Variants in HS6ST2 observed in about 807,000 individuals in gnomAD.
HS6ST2 encodes heparan-sulfate 6-O-sulfotransferase 2.
A neutral mutation model predicts 33.0 loss-of-function variants in HS6ST2; 17 were observed. The ratio of observed to expected loss-of-function variants is 0.52; its 90% CI spans 0.35 to 0.77. The LOEUF is 0.77. Among genes scored for constraint, HS6ST2 ranks in the 30% least tolerant of loss-of-function variants. The pLI, the probability that HS6ST2 is intolerant of heterozygous loss-of-function variation, is 0.01. For synonymous variants in HS6ST2, 248 were observed against 237.1 expected (o/e 1.05, Z -0.42); for missense variants, 519 against 551.7 (o/e 0.94, Z 0.59).
In HS6ST2 at chrX:132,870,124, T is replaced by G. The variant is rs188029322; in HGVS notation, c.947+86684A>C. Among the ~76,000 whole-genome samples the G allele has an allele frequency of 4.5e-5, 5 of 109,948 alleles. No individual in the cohort carries two copies. In the East Asian group the frequency reaches 1.1e-3, roughly 25 times the overall value. On this transcript the variant is annotated intron_variant, in intron 2 of 4. Transcript: ENST00000370833. The stretch of plus-strand genomic sequence containing the variant: ...CACAAGCATTCCTATACACCAATAA[T>G]AGACAAGCAGAGAGCCAAATCATGA...
intron 2 of HS6ST2, among the ~76,000 whole-genome samples, chrX:132,769,764 A>G (rs1383029202): frequency 8.9e-6 from 1 of 112,111 alleles, no homozygotes; most frequent in Admixed American, 9.4e-5. Context: ...GGAAGTGACC[A>G]ACAGTTGTGT....
intron 2 of HS6ST2, among the ~76,000 whole-genome samples, chrX:132,787,167 G>GTATATATATA (rs751338482): frequency 1.9e-5 from 1 of 51,391 alleles, no homozygotes; most frequent in Non-Finnish European, 3.3e-5. Flanking sequence ...ATATATATAT[G>GTATATATATA]TATATATATA....
rs1172890121 is a variant in HS6ST2, at chrX:132,865,149, C to A, written c.947+91659G>T. On this transcript the variant is annotated intron_variant, in intron 2 of 4. Coordinates refer to ENST00000370833, the MANE Select transcript of HS6ST2 (RefSeq NM_001394073.1). ...CCCCTCCCCCCACCCCACAACAGTC[C>A]CCAGAGTGTGATGTTCCCCTTCCTG... Among the ~76,000 whole-genome samples, 6 of 86,629 alleles carry A rather than the reference C, an allele frequency of 6.9e-5. No individual in the cohort carries two copies. The Admixed American group carries it at 7.1e-4, about 10-fold the overall frequency. The allele number at this position is 86,629 out of a possible 115,157, so 75.2% of individuals were successfully genotyped here.
chrX:132,818,524 G>T (rs1356465727), intron 2 of HS6ST2, among the ~76,000 whole-genome samples: 1 of 111,164 alleles, frequency 9.0e-6, no homozygotes, highest in Non-Finnish European at 1.9e-5. Context: ...GAACTATTCT[G>T]CACTAGGATT....
At chrX:132,739,676 C>G (rs1045625294) in intron 2 of HS6ST2, among the ~76,000 whole-genome samples, 3 of 104,068 alleles carry the variant, frequency 2.9e-5, no homozygotes, top group African/African-American at 1.1e-4. Flanking sequence ...GATCACATCA[C>G]TGCACTCCAG....
intron 3 of HS6ST2, among the ~76,000 whole-genome samples, chrX:132,687,327 A>C (rs1281774329): frequency 9.0e-6 from 1 of 111,223 alleles, no homozygotes. Context: ...AGGATAATAA[A>C]AAAGGAGAGC....
chrX:132,666,761 C>G (rs2063813306), intron 4 of HS6ST2, among the ~76,000 whole-genome samples: 1 of 111,794 alleles, frequency 8.9e-6, no homozygotes, highest in Non-Finnish European at 1.9e-5. Context: ...AACCCTCCTT[C>G]TATCTCCCAG....
intron 2 of HS6ST2, among the ~76,000 whole-genome samples, chrX:132,889,722 CA>C (rs747422632): frequency 1.8e-5 from 2 of 111,221 alleles, no homozygotes; most frequent in African/African-American, 3.3e-5. Flanking sequence ...AAGTAAGTAG[CA>C]ACTAGCTCTG....
intron 3 of HS6ST2, among the ~76,000 whole-genome samples, chrX:132,708,214 C>T (rs1036012704): frequency 2.0e-5 from 2 of 100,893 alleles, no homozygotes; most frequent in Non-Finnish European, 3.9e-5. Context: ...CTGGGGTGGT[C>T]GCCCTGAACA....
At chrX:132,889,396 G>A (rs2066284075) in intron 2 of HS6ST2, among the ~76,000 whole-genome samples, 1 of 111,290 alleles carries the variant, frequency 9.0e-6, no homozygotes, top group African/African-American at 3.3e-5. Flanking sequence ...CAGGATACAG[G>A]AGAGTGTGAA....
At chrX:132,810,145 C>T (rs1194675071) in intron 2 of HS6ST2, among the ~76,000 whole-genome samples, 2 of 111,785 alleles carry the variant, frequency 1.8e-5, no homozygotes, top group South Asian at 3.8e-4. Context: ...GTGGCTCACA[C>T]CTGTAATCCC....
intron 4 of HS6ST2, among the ~76,000 whole-genome samples, chrX:132,652,652 T>C (rs2063702683): frequency 9.0e-6 from 1 of 111,508 alleles, no homozygotes; most frequent in African/African-American, 3.3e-5. Context: ...TTTCATTTAA[T>C]ACAAAGATTA....
At chrX:132,932,550 T>C (rs770910355) in intron 2 of HS6ST2, among the ~76,000 whole-genome samples, 2 of 110,942 alleles carry the variant, frequency 1.8e-5, no homozygotes, top group East Asian at 5.7e-4. Flanking sequence ...AGAATCATTA[T>C]CCAGAGTTTC....
At chrX:132,766,357 G>A (rs1248592968) in intron 2 of HS6ST2, among the ~76,000 whole-genome samples, 2 of 111,965 alleles carry the variant, frequency 1.8e-5, no homozygotes, top group African/African-American at 6.5e-5. Flanking sequence ...GGCCTAAAAG[G>A]CTGGCCATCT....
chrX:132,878,126 C>G (rs1218864823), intron 2 of HS6ST2, among the ~76,000 whole-genome samples: 1 of 112,043 alleles, frequency 8.9e-6, no homozygotes, highest in Non-Finnish European at 1.9e-5. Flanking sequence ...CGTCTCATGA[C>G]TAGGAAGAAT....
intron 2 of HS6ST2, among the ~76,000 whole-genome samples, chrX:132,782,075 T>C (rs908406999): frequency 1.8e-5 from 2 of 111,790 alleles, no homozygotes; most frequent in African/African-American, 6.5e-5. Context: ...GATTCCATGA[T>C]GAAATCCATT....
chrX:132,891,382 T>TA (rs898678136), intron 2 of HS6ST2, among the ~76,000 whole-genome samples: 1 of 106,429 alleles, frequency 9.4e-6, no homozygotes, highest in African/African-American at 3.5e-5. Context: ...TTTTTTTTAT[T>TA]TTTTTTTTTA....
At position 132,764,195 on chromosome X, in the gene HS6ST2, A is replaced by G. The variant is rs746344373; in HGVS notation, c.948-55701T>C. The stretch of plus-strand genomic sequence containing the variant: ...ATTTAGAGCTAAAAAGAACCTTAAG[A>G]TCTTTCAACCTAGTTTGCTCCTTTT... On this transcript the variant is annotated intron_variant, in intron 2 of 4. Coordinates refer to ENST00000370833, the MANE Select transcript of HS6ST2 (RefSeq NM_001394073.1). 4.1e-4 allele frequency among the ~76,000 whole-genome samples: 46 copies of G among 112,221 alleles called. 1 individual carries two copies. The highest frequency in any genetic ancestry group is 3.6e-3 in the Admixed American group (38 of 10,571).
At chrX:132,802,951 C>G (rs1312828772) in intron 2 of HS6ST2, among the ~76,000 whole-genome samples, 1 of 110,882 alleles carries the variant, frequency 9.0e-6, no homozygotes, top group Non-Finnish European at 1.9e-5. Flanking sequence ...TAAACTTAAT[C>G]TCCCCAACCC....
Sources: gnomAD v4.1 joint callset for allele counts (sites outside exome capture counted in the v4.1 genomes callset) on GRCh38, gnomAD v4.1.1 for gene constraint, MANE v1.5 for transcripts, NCBI Gene and HGNC (gene_info 2026-07-23, HGNC 2026-07-21) for gene names.